DAZAP1: variants seen among roughly 807,000 people sequenced by gnomAD.
DAZAP1 encodes DAZ associated protein 1.
A neutral mutation model predicts 60.1 loss-of-function variants in DAZAP1; 6 were observed. That is an observed-to-expected ratio of 0.10 (90% CI 0.05 to 0.20). The LOEUF (loss-of-function observed/expected upper bound fraction) is 0.20. Among genes scored for constraint, DAZAP1 ranks in the 10% least tolerant of loss-of-function variants. The pLI is 1.00. For synonymous variants in DAZAP1, 235 were observed against 215.9 expected, an observed-to-expected ratio of 1.09 and a Z score of -0.78; for missense variants, 366 against 560.4, an observed-to-expected ratio of 0.65 and a Z score of 3.50.
Position 1,433,776 on chromosome 19 carries a change from C to T in DAZAP1, c.1049-961C>T, listed in dbSNP as rs368607915. On this transcript the variant is annotated intron_variant, in intron 11 of 11. Coordinates refer to ENST00000233078, the MANE Select transcript of DAZAP1 (RefSeq NM_018959.4). The surrounding 1 kb of genome is among the most constrained non-coding windows in gnomAD (Gnocchi z 6.1). The stretch of plus-strand genomic sequence containing the variant: ...ATTCTCCAGCCCCGCCGGGCTGCGG[C>T]CCACACTTTGTTTACAGTCTTATGG... 9 of 1,613,872 alleles carry T rather than the reference C, an allele frequency of 5.6e-6. No individual in the cohort carries two copies. The African/African-American group carries it at 1.2e-4, about 22-fold the overall frequency.
In DAZAP1 at chr19:1,430,317, C is replaced by G. The variant is rs1317228854; in HGVS notation, c.826C>G (p.Pro276Ala). The G allele has an allele frequency of 1.3e-6, 2 of 1,568,226 alleles. No homozygotes were observed. Among genetic ancestry groups the G allele is most frequent in the Middle Eastern group, 1.7e-4 (1 of 5,758 alleles). ...IVSTPPGGFP[P>A]PQGFPQGYGA... is the part of the protein sequence containing the mutation. ...GTCCACCCCTCCTGGAGGCTTTCCCCCTCCCCAGGGCTTCCCTCAGGGCTA... is the reference window on the plus strand; with the variant it reads ...GTCCACCCCTCCTGGAGGCTTTCCCGCTCCCCAGGGCTTCCCTCAGGGCTA... Residue 276 changes from proline (P) to alanine (A), a missense_variant, in exon 10 of 12, where the codon CCT (proline) becomes GCT (alanine). This residue lies in a region of DAZAP1 where 240 missense variants were observed against 308.8 expected (regional missense o/e 0.78). Transcript: ENST00000233078.
intron 1 of DAZAP1, among the ~76,000 whole-genome samples, chr19:1,414,966 G>C (rs2082934115): frequency 6.6e-6 from 1 of 151,848 alleles, no homozygotes; most frequent in Admixed American, 6.6e-5. Context: ...GACTACAGGT[G>C]CCTGCCACCA....
chr19:1,429,350 G>T (rs573057636), intron 8 of DAZAP1, among the ~76,000 whole-genome samples: 1 of 152,368 alleles, frequency 6.6e-6, no homozygotes, highest in African/African-American at 2.4e-5. Context: ...CAGAATCGGG[G>T]TGCTGCCCCT....
chr19:1,410,241 C>T (rs112545565), intron 1 of DAZAP1, among the ~76,000 whole-genome samples: 23 of 152,284 alleles, frequency 1.5e-4, no homozygotes, highest in African/African-American at 5.5e-4. Context: ...TTACACACAC[C>T]GACTTCCAGT....
At chr19:1,410,341 C>T (rs1027117269) in intron 1 of DAZAP1, among the ~76,000 whole-genome samples, 2 of 152,104 alleles carry the variant, frequency 1.3e-5, no homozygotes, top group African/African-American at 4.8e-5. Flanking sequence ...GTTTGGCACG[C>T]GGACCCTACA....
chr19:1,422,598 A>T lies in DAZAP1; in HGVS notation c.463+202A>T, dbSNP rs894156081. Among the ~76,000 whole-genome samples, 7 of 152,264 alleles carry T rather than the reference A, an allele frequency of 4.6e-5. No homozygotes were observed. The highest frequency in any genetic ancestry group is 1.4e-4 in the African/African-American group (6 of 41,550). On this transcript the variant is annotated intron_variant, in intron 6 of 11. Transcript: ENST00000233078. The surrounding 1 kb of genome is among the most constrained non-coding windows in gnomAD (Gnocchi z 4.5). ...TGTGCTTCCCGAGGTCAGACGTCAC[A>T]CATTGTTTTTTGGCTTGTTCTTTTG...
At chr19:1,408,936 G>GC (rs2082745664) in intron 1 of DAZAP1, among the ~76,000 whole-genome samples, 1 of 152,204 alleles carries the variant, frequency 6.6e-6, no homozygotes, top group Non-Finnish European at 1.5e-5. Flanking sequence ...TTTGAGCAGC[G>GC]CCCTGTGTTC....
chr19:1,420,852 A>T (rs1374001959), intron 4 of DAZAP1, among the ~76,000 whole-genome samples: 2 of 152,170 alleles, frequency 1.3e-5, no homozygotes, highest in Non-Finnish European at 1.5e-5. Flanking sequence ...TCCACGTGGC[A>T]GTGGTTGTAA....
chr19:1,420,776 A>G (rs1206818749), intron 4 of DAZAP1, among the ~76,000 whole-genome samples: 1 of 152,126 alleles, frequency 6.6e-6, no homozygotes, highest in Non-Finnish European at 1.5e-5. Flanking sequence ...CTCTCTGCTC[A>G]TTTCGTCGTC....
chr19:1,410,127 G>T lies in DAZAP1; in HGVS notation c.29+2325G>T, dbSNP rs571699771. The T allele has an allele frequency of 3.3e-5, 5 of 152,392 alleles. No individual in the cohort carries two copies. In the South Asian group the frequency reaches 8.3e-4, roughly 25 times the overall value. 9.4% of individuals were successfully genotyped at this position (152,392 alleles called of 1,614,324 possible). A position where few individuals can be genotyped will look rare whatever the true frequency, so the allele number is the denominator to read the frequency against. ...GGGGAAGCTCTGCTTTTGAGTCTGA[G>T]AAGTCGTCCCAAGTTTTGAGGGTCC... On this transcript the variant is annotated intron_variant, in intron 1 of 11. Coordinates refer to ENST00000233078, the MANE Select transcript of DAZAP1 (RefSeq NM_018959.4).
rs928061481 is a variant in DAZAP1, at chr19:1,423,338, C to T, written c.463+942C>T. 2.0e-5 allele frequency among the ~76,000 whole-genome samples: 3 copies of T among 152,244 alleles called. No homozygotes were observed. The highest frequency in any genetic ancestry group is 4.4e-5 in the Non-Finnish European group (3 of 68,038). Reference sequence around the variant, plus strand: ...TGCTTAGTGACGTACTTAAGTGTTTCATAGTAAAGTACAGTGATGTTAAGT... The same window carrying T: ...TGCTTAGTGACGTACTTAAGTGTTTTATAGTAAAGTACAGTGATGTTAAGT... On this transcript the variant is annotated intron_variant, in intron 6 of 11. Transcript: ENST00000233078. This position sits in a 1 kb window ranked among gnomAD's most constrained non-coding sequence, Gnocchi z 6.8.
intron 1 of DAZAP1, among the ~76,000 whole-genome samples, chr19:1,413,739 C>T (rs2082893423): frequency 6.6e-6 from 1 of 152,168 alleles, no homozygotes; most frequent in African/African-American, 2.4e-5. Flanking sequence ...GAGCTCCAGA[C>T]ACAGCTATGT....
rs1569083305 is a variant in DAZAP1, at chr19:1,426,124, C to G, written c.546+164C>G. On this transcript the variant is annotated intron_variant, in intron 7 of 11. Transcript: ENST00000233078. This position sits in a 1 kb window ranked among gnomAD's most constrained non-coding sequence, Gnocchi z 5.4. Reference sequence around the variant, plus strand: ...CTGGGTCTGTAGACGTGAGGAGGGTCCCATCCTTCCCCAGCACCCTTCCTG... The same window carrying G: ...CTGGGTCTGTAGACGTGAGGAGGGTGCCATCCTTCCCCAGCACCCTTCCTG... Among the ~76,000 whole-genome samples the G allele has an allele frequency of 6.6e-6, 1 of 152,182 alleles. No individual in the cohort carries two copies. The highest frequency in any genetic ancestry group is 1.5e-5 in the Non-Finnish European group (1 of 68,034).
At chr19:1,421,327 G>T (rs2083149599) in intron 5 of DAZAP1, 69 bp downstream of exon 5, 22 of 1,447,110 alleles carry the variant, frequency 1.5e-5, no homozygotes, top group Non-Finnish European at 1.8e-5. Context: ...GGGCCTTCTT[G>T]GGGCTGGAGT....
At chr19:1,412,232 C>T (rs1359930563) in intron 1 of DAZAP1, among the ~76,000 whole-genome samples, 1 of 152,148 alleles carries the variant, frequency 6.6e-6, no homozygotes, top group Non-Finnish European at 1.5e-5. Flanking sequence ...TCTGACCCTG[C>T]TGGGGAGAGG....
At chr19:1,411,670 A>C (rs1872170462) in intron 1 of DAZAP1, among the ~76,000 whole-genome samples, 1 of 152,212 alleles carries the variant, frequency 6.6e-6, no homozygotes, top group African/African-American at 2.4e-5. Flanking sequence ...CAGCGTGCCC[A>C]GCTGTGCTTG....
At position 1,416,235 on chromosome 19, in the gene DAZAP1, G is replaced by C. The variant is rs2082981115; in HGVS notation, c.30-1265G>C. ...CCTGACAGCGACGTTTTTGCTGAAA[G>C]CCGAAGCCAAGGGTGGTGTGGTTGG... On this transcript the variant is annotated intron_variant, in intron 1 of 11. Transcript: ENST00000233078. This position sits in a 1 kb window ranked among gnomAD's most constrained non-coding sequence, Gnocchi z 4.3. 1 of 152,212 alleles carries C rather than the reference G, an allele frequency of 6.6e-6. No homozygotes were observed. The highest frequency in any genetic ancestry group is 1.5e-5 in the Non-Finnish European group (1 of 68,052). The allele number at this position is 152,212 out of a possible 1,614,324, so 9.4% of individuals were successfully genotyped here.
Position 1,433,944 on chromosome 19 carries a change from C to A in DAZAP1, c.1049-793C>A. The A allele has an allele frequency of 1.1e-6, 1 of 901,736 alleles. No homozygotes were observed. The highest frequency in any genetic ancestry group is 1.7e-6 in the Non-Finnish European group (1 of 576,882). 55.9% of individuals were successfully genotyped at this position (901,736 alleles called of 1,614,324 possible). ...CTGGCGGTGCCCTCTGGGAAGGGGC[C>A]CTTGCCGGTGCCAAGACATTGGCCA... On this transcript the variant is annotated intron_variant, in intron 11 of 11. Transcript: ENST00000233078. The surrounding 1 kb of genome is among the most constrained non-coding windows in gnomAD (Gnocchi z 6.1).
chr19:1,417,250 T>C, intron 1 of DAZAP1: 2 of 545,014 alleles, frequency 3.7e-6, no homozygotes, highest in Non-Finnish European at 6.5e-6. Context: ...CCGCCACGCA[T>C]GAGGTCAGCG....
Sources: gnomAD v4.1 joint callset for allele counts (sites outside exome capture counted in the v4.1 genomes callset) on GRCh38, gnomAD v4.1.1 for gene constraint, gnomAD v4.1.1 regional missense constraint, Gnocchi (gnomAD v3.1) non-coding constraint, MANE v1.5 for transcripts, NCBI Gene and HGNC (gene_info 2026-07-23, HGNC 2026-07-21) for gene names.